Variants in SIPA1L1 observed in about 807,000 individuals in gnomAD.
SIPA1L1 encodes the protein signal-induced proliferation-associated 1-like protein 1.
SIPA1L1 carries 26 observed loss-of-function variants against 162.7 expected under a neutral mutation model. The observed-to-expected ratio is 0.16, with a 90% confidence interval of 0.12 to 0.22. The LOEUF (loss-of-function observed/expected upper bound fraction) is 0.22, where lower values mean the gene tolerates loss of function less well. Ranked by LOEUF, SIPA1L1 falls within the 10% of genes least tolerant of loss-of-function variation. SIPA1L1 has a pLI of 1.00. For missense variants in SIPA1L1, 1,874 were observed against 2,241.0 expected (o/e 0.84, Z 3.31); for synonymous variants, 829 against 837.4 (o/e 0.99, Z 0.17).
intron 2 of SIPA1L1, among the ~76,000 whole-genome samples, chr14:71,401,946 T>G (rs1228317609): frequency 2.6e-5 from 4 of 152,178 alleles, no homozygotes; most frequent in Non-Finnish European, 5.9e-5. Context: ...AAACTAATAA[T>G]TTATAAATTA....
At chr14:71,606,813 G>C (rs1305445017) in intron 5 of SIPA1L1, among the ~76,000 whole-genome samples, 2 of 152,098 alleles carry the variant, frequency 1.3e-5, no homozygotes, top group Non-Finnish European at 2.9e-5. Flanking sequence ...TAGCACTGGG[G>C]GAGTCTGGGT....
At chr14:71,461,950 G>C (rs913341442) in intron 2 of SIPA1L1, among the ~76,000 whole-genome samples, 5 of 152,198 alleles carry the variant, frequency 3.3e-5, no homozygotes, top group Admixed American at 6.5e-5. Context: ...AGGGTGGCAG[G>C]AGTGGAGACC....
intron 2 of SIPA1L1, among the ~76,000 whole-genome samples, chr14:71,507,237 T>C (rs563821866): frequency 1.8e-4 from 28 of 152,338 alleles, no homozygotes; most frequent in Non-Finnish European, 2.5e-4. Flanking sequence ...CGTACTCTCA[T>C]AGAGTGCAGC....
intron 7 of SIPA1L1, among the ~76,000 whole-genome samples, chr14:71,642,229 C>T (rs941251634): frequency 6.6e-6 from 1 of 152,068 alleles, no homozygotes; most frequent in African/African-American, 2.4e-5. Flanking sequence ...AAGATTGCAC[C>T]AGCTTTCTGC....
chr14:71,613,711 A>G (rs867054919), intron 5 of SIPA1L1, among the ~76,000 whole-genome samples: 2 of 152,206 alleles, frequency 1.3e-5, no homozygotes, highest in African/African-American at 2.4e-5. Flanking sequence ...TTCAGAAGAA[A>G]GAGAAAGACA....
chr14:71,534,050 C>A (rs978439970), intron 4 of SIPA1L1, among the ~76,000 whole-genome samples: 1 of 151,462 alleles, frequency 6.6e-6, no homozygotes, highest in African/African-American at 2.4e-5. Flanking sequence ...TATAGTGAGA[C>A]CCCATCTCTA....
chr14:71,373,731 C>T lies in SIPA1L1; in HGVS notation c.-465+52550C>T, dbSNP rs188469499. 5.1e-3 allele frequency among the ~76,000 whole-genome samples: 769 copies of T among 151,662 alleles called. 11 individuals are homozygous for T. The highest frequency in any genetic ancestry group is 0.017 in the African/African-American group (722 of 41,318). ...CAAAATTTTATATTTTTTCTCCTCT[C>T]TTCTTCCTTCCTGATACCTTTGTGA... On this transcript the variant is annotated intron_variant, in intron 2 of 23. Transcript: ENST00000381232.
At chr14:71,662,944 A>G (rs1357547881) in intron 10 of SIPA1L1, among the ~76,000 whole-genome samples, 1 of 152,250 alleles carries the variant, frequency 6.6e-6, no homozygotes, top group East Asian at 1.9e-4. Context: ...ATTTCATACC[A>G]CTTGACAGGT....
intron 11 of SIPA1L1, among the ~76,000 whole-genome samples, chr14:71,671,901 C>G (rs1042464588): frequency 1.4e-5 from 2 of 142,592 alleles, no homozygotes; most frequent in Non-Finnish European, 3.1e-5. Flanking sequence ...CACATTTACT[C>G]TGTGTGTGTG....
At chr14:71,708,191 C>T (rs2082614414) in intron 16 of SIPA1L1, among the ~76,000 whole-genome samples, 1 of 151,686 alleles carries the variant, frequency 6.6e-6, no homozygotes, top group African/African-American at 2.4e-5. Context: ...CATTTTATAA[C>T]TGGAGGTCCT....
intron 13 of SIPA1L1, among the ~76,000 whole-genome samples, chr14:71,697,361 A>C (rs1234679696): frequency 6.6e-6 from 1 of 152,190 alleles, no homozygotes; most frequent in Non-Finnish European, 1.5e-5. Context: ...GTTGAACTTA[A>C]TTAACCCAAT....
At chr14:71,685,226 C>A in intron 12 of SIPA1L1, 136 bp from the exon 13 acceptor site, 1 of 963,140 alleles carries the variant, frequency 1.0e-6, no homozygotes, top group Admixed American at 2.2e-5. Flanking sequence ...TACTAGGGCC[C>A]AAAGATTGAA....
At chr14:71,688,720 A>C (rs2081047822) in intron 13 of SIPA1L1, among the ~76,000 whole-genome samples, 1 of 152,188 alleles carries the variant, frequency 6.6e-6, no homozygotes, top group Non-Finnish European at 1.5e-5. Context: ...CCTTGTACTC[A>C]CCAAGTATAA....
intron 3 of SIPA1L1, among the ~76,000 whole-genome samples, chr14:71,517,986 G>A (rs550352746): frequency 6.6e-6 from 1 of 152,052 alleles, no homozygotes; most frequent in South Asian, 2.1e-4. Flanking sequence ...ATAGAATGAG[G>A]CGAGCTGCAG....
At chr14:71,707,938 G>A (rs980264564) in intron 16 of SIPA1L1, among the ~76,000 whole-genome samples, 6 of 148,198 alleles carry the variant, frequency 4.0e-5, no homozygotes, top group Non-Finnish European at 5.9e-5. Context: ...GCATCTCGTG[G>A]TTTTGATTCG....
In SIPA1L1 at chr14:71,589,378, G is replaced by C; in HGVS notation, c.1498+8G>C. Reference sequence around the variant, plus strand: ...AATTTTTCTACCAGAAGGGTAAGTAGAGATCCTTTATTTCTTACATTTTCT... The same window carrying C: ...AATTTTTCTACCAGAAGGGTAAGTACAGATCCTTTATTTCTTACATTTTCT... On this transcript the variant is annotated splice_region_variant and intron_variant, in intron 5 of 23. Transcript: ENST00000381232. The C allele has an allele frequency of 6.4e-7, 1 of 1,560,024 alleles. No individual in the cohort carries two copies. Among genetic ancestry groups the C allele is most frequent in the Non-Finnish European group, 8.8e-7 (1 of 1,138,694 alleles).
At chr14:71,728,416 G>A (rs912408566) in intron 19 of SIPA1L1, among the ~76,000 whole-genome samples, 1 of 152,186 alleles carries the variant, frequency 6.6e-6, no homozygotes, top group Non-Finnish European at 1.5e-5. Flanking sequence ...ACGTACCTTG[G>A]ATTTAATTCA....
At chr14:71,321,454 C>T (rs1161818343) in intron 2 of SIPA1L1, 1 of 152,368 alleles carries the variant, frequency 6.6e-6, no homozygotes, top group African/African-American at 2.4e-5. Flanking sequence ...CCAGGAGACC[C>T]GCGTCCCGGT....
intron 2 of SIPA1L1, among the ~76,000 whole-genome samples, chr14:71,322,233 A>G (rs902217915): frequency 1.3e-5 from 2 of 152,220 alleles, no homozygotes; most frequent in African/African-American, 4.8e-5. Context: ...CATTGTCTTT[A>G]TGCTGGTACT....
Sources: allele counts gnomAD v4.1 joint callset (sites outside exome capture counted in the v4.1 genomes callset), GRCh38; gene constraint gnomAD v4.1.1; transcripts MANE v1.5; gene names NCBI Gene and HGNC (gene_info 2026-07-23, HGNC 2026-07-21).